Variants in REL observed in about 807,000 individuals in gnomAD.
The protein encoded by REL is REL proto-oncogene, NF-kB subunit, also known as proto-oncogene c-Rel.
Under a neutral mutation model 45.9 loss-of-function variants are expected in REL, and 15 were observed. That is an observed-to-expected ratio of 0.33 (90% CI 0.22 to 0.50). The LOEUF (loss-of-function observed/expected upper bound fraction) is 0.50, where lower values mean the gene tolerates loss of function less well. REL is among the 20% of genes least tolerant of loss of function. REL has a pLI of 0.98. For missense variants in REL, 601 were observed against 715.2 expected (o/e 0.84, Z 1.82); for synonymous variants, 239 against 242.1 (o/e 0.99, Z 0.12).
At chr2:60,890,468 C>T (rs1367373408) in intron 1 of REL, among the ~76,000 whole-genome samples, 1 of 152,106 alleles carries the variant, frequency 6.6e-6, no homozygotes, top group Non-Finnish European at 1.5e-5. Context: ...ACTGTGTTAC[C>T]ATTTCTCAGG....
chr2:60,899,120 C>G (rs1166345089), intron 3 of REL: 1 of 152,174 alleles, frequency 6.6e-6, no homozygotes, highest in African/African-American at 2.4e-5. Context: ...AACCAAGAAT[C>G]TTTCAAAGAA....
At chr2:60,885,519 G>C (rs1573309636) in intron 1 of REL, among the ~76,000 whole-genome samples, 2 of 152,192 alleles carry the variant, frequency 1.3e-5, no homozygotes, top group East Asian at 3.9e-4. Flanking sequence ...TAAATCAGTT[G>C]AATACTCATC....
At chr2:60,920,999 CTT>C (rs955665257) in intron 9 of REL, among the ~76,000 whole-genome samples, 1 of 144,648 alleles carries the variant, frequency 6.9e-6, no homozygotes, top group Non-Finnish European at 1.5e-5. Flanking sequence ...CTCTAAACTG[CTT>C]TTTTTTTTTA....
chr2:60,920,308 C>T lies in REL; in HGVS notation c.922+199C>T, dbSNP rs539201421. On this transcript the variant is annotated intron_variant, in intron 8 of 9. Coordinates refer to ENST00000394479, the MANE Select transcript of REL (RefSeq NM_001291746.2). ...CCTCTGCCCCCCAGGTTCAACAATT[C>T]TCCTGCCTCAGCCTCCCGGGTAGCT... 1.3e-3 allele frequency: 811 copies of T among 617,530 alleles called. 14 individuals are homozygous for T. In the South Asian group the frequency reaches 0.016, roughly 12 times the overall value. 38.3% of individuals were successfully genotyped at this position (617,530 alleles called of 1,614,324 possible). A position where few individuals can be genotyped will look rare whatever the true frequency, so the allele number is the denominator to read the frequency against.
At chr2:60,885,927 A>G (rs747456532) in intron 1 of REL, among the ~76,000 whole-genome samples, 10 of 152,202 alleles carry the variant, frequency 6.6e-5, no homozygotes, top group Non-Finnish European at 1.0e-4. Context: ...GGTTATCTCT[A>G]TATTGTCATT....
At chr2:60,920,229 T>G in intron 8 of REL, 120 bp downstream of exon 8, 1 of 790,060 alleles carries the variant, frequency 1.3e-6, no homozygotes, top group South Asian at 1.8e-5. Context: ...TGAGATAGCA[T>G]CTCTCTCTGT....
Position 60,881,713 on chromosome 2 carries a change from C to A in REL, c.-128C>A, listed in dbSNP as rs1391398079. On this transcript the variant is annotated 5_prime_UTR_variant, in exon 1 of 10. Coordinates refer to ENST00000394479, the MANE Select transcript of REL (RefSeq NM_001291746.2). Reference sequence around the variant, plus strand: ...GCGGAGGGCGGGAAGAAGGAGGAGGCCTCTAGGGTGGTCGGGGGACTGGGG... The same window carrying A: ...GCGGAGGGCGGGAAGAAGGAGGAGGACTCTAGGGTGGTCGGGGGACTGGGG... 8.4e-6 allele frequency: 6 copies of A among 711,350 alleles called. No homozygotes were observed. The highest frequency in any genetic ancestry group is 1.4e-5 in the Non-Finnish European group (6 of 422,680). The allele number at this position is 711,350 out of a possible 1,614,324, so 44.1% of individuals were successfully genotyped here. A position where few individuals can be genotyped will look rare whatever the true frequency, so the allele number is the denominator to read the frequency against.
intron 3 of REL, among the ~76,000 whole-genome samples, chr2:60,898,453 G>C (rs141471467): frequency 6.6e-6 from 1 of 152,186 alleles, no homozygotes; most frequent in African/African-American, 2.4e-5. Context: ...AGGGGTCTTT[G>C]TGTGGCCTGT....
intron 3 of REL, among the ~76,000 whole-genome samples, chr2:60,895,087 G>A (rs1384038478): frequency 7.9e-5 from 12 of 151,838 alleles, no homozygotes; most frequent in Non-Finnish European, 1.8e-4. Context: ...TGGAACTCCC[G>A]ACCTCAGGTG....
intron 1 of REL, among the ~76,000 whole-genome samples, chr2:60,884,142 A>G (rs1001973179): frequency 1.3e-5 from 2 of 150,854 alleles, no homozygotes; most frequent in Non-Finnish European, 3.0e-5. Context: ...TTCATTGTCT[A>G]GTTTAGATTC....
chr2:60,919,167 A>G (rs1037334749), intron 7 of REL, among the ~76,000 whole-genome samples: 2 of 152,206 alleles, frequency 1.3e-5, no homozygotes, highest in Admixed American at 1.3e-4. Context: ...TTTCTTATCA[A>G]ACCTTATTGC....
intron 9 of REL, among the ~76,000 whole-genome samples, chr2:60,921,200 G>A (rs1674131907): frequency 6.6e-6 from 1 of 151,822 alleles, no homozygotes; most frequent in Non-Finnish European, 1.5e-5. Context: ...GCTTTTTCCT[G>A]GTTTAGTTTG....
intron 4 of REL, among the ~76,000 whole-genome samples, chr2:60,907,256 C>A (rs1014081893): frequency 3.3e-5 from 5 of 151,740 alleles, no homozygotes; most frequent in Admixed American, 3.3e-4. Flanking sequence ...TTTGCTATAA[C>A]TTTGATTACA....
At position 60,924,070 on chromosome 2, in the gene REL, G is replaced by C. The variant is rs974213706; in HGVS notation, c.*1535G>C. On this transcript the variant is annotated 3_prime_UTR_variant, in exon 10 of 10. Transcript: ENST00000394479. ...CACTTGCCTTGGACAGTCTGTACTTGGTATTCCCTCTGCCTTGAATGTTGT... is the reference window on the plus strand; with the variant it reads ...CACTTGCCTTGGACAGTCTGTACTTCGTATTCCCTCTGCCTTGAATGTTGT... 4 of 231,800 alleles carry C rather than the reference G, an allele frequency of 1.7e-5. No homozygotes were observed. Among genetic ancestry groups the C allele is most frequent in the Non-Finnish European group, 2.6e-5 (3 of 117,142 alleles). 14.4% of individuals were successfully genotyped at this position (231,800 alleles called of 1,614,324 possible).
intron 3 of REL, among the ~76,000 whole-genome samples, chr2:60,897,946 C>G (rs1027437318): frequency 6.6e-6 from 1 of 151,382 alleles, no homozygotes; most frequent in Non-Finnish European, 1.5e-5. Context: ...CCCCTCATAA[C>G]TGGTCTTCTT....
At chr2:60,891,654 T>A in intron 1 of REL, 29 bp from the exon 2 acceptor site, 1 of 1,562,294 alleles carries the variant, frequency 6.4e-7, no homozygotes. Flanking sequence ...TTAATCTCAC[T>A]GACCTCCTCC....
In REL at chr2:60,891,968, C is replaced by A. The variant is rs557629012; in HGVS notation, c.153+143C>A. ...TTTTCCTTTTTTTTTTTAAACGGAT[C>A]TGTCAAAAAGACATCTATTAGATAG... On this transcript the variant is annotated intron_variant, in intron 2 of 9. Transcript: ENST00000394479. 4.8e-4 allele frequency: 374 copies of A among 783,462 alleles called. 3 individuals carry two copies. Among genetic ancestry groups the A allele is most frequent in the Non-Finnish European group, 6.5e-4 (339 of 523,842 alleles). The allele number at this position is 783,462 out of a possible 1,614,324, so 48.5% of individuals were successfully genotyped here. A position where few individuals can be genotyped will look rare whatever the true frequency, so the allele number is the denominator to read the frequency against.
chr2:60,925,058 T>C lies in REL; in HGVS notation c.*2523T>C. The C allele has an allele frequency of 5.0e-6, 1 of 198,700 alleles. No homozygotes were observed. The highest frequency in any genetic ancestry group is 1.0e-5 in the Non-Finnish European group (1 of 95,992). 12.3% of individuals were successfully genotyped at this position (198,700 alleles called of 1,614,324 possible). ...TTATTTCCCAAAGACATTGTAAGGG[T>C]TAATTAGATCATTATATTTTATTAT... On this transcript the variant is annotated 3_prime_UTR_variant, in exon 10 of 10. Coordinates refer to ENST00000394479, the MANE Select transcript of REL (RefSeq NM_001291746.2).
intron 3 of REL, among the ~76,000 whole-genome samples, chr2:60,895,325 G>T (rs1362280629): frequency 6.6e-6 from 1 of 152,006 alleles, no homozygotes; most frequent in African/African-American, 2.4e-5. Flanking sequence ...GGGACTGCAG[G>T]CATGTACCAC....
Sources: gnomAD v4.1 joint callset for allele counts (sites outside exome capture counted in the v4.1 genomes callset) on GRCh38, gnomAD v4.1.1 for gene constraint, MANE v1.5 for transcripts, NCBI Gene and HGNC (gene_info 2026-07-23, HGNC 2026-07-21) for gene names.